HRH1: variants seen among roughly 807,000 people sequenced by gnomAD.
HRH1 encodes the protein histamine H1 receptor.
In HRH1, 6 loss-of-function variants were observed where a neutral mutation model predicts 10.3. That is an observed-to-expected ratio of 0.58 (90% confidence interval 0.32 to 1.15). The LOEUF is 1.15. HRH1 is among the 50% of genes most tolerant of loss of function. HRH1 has a pLI of 0.05. For missense variants in HRH1, 514 were observed against 615.3 expected (o/e 0.84, Z 1.74); for synonymous variants, 242 against 236.7 (o/e 1.02, Z -0.21).
chr3:11,157,103 T>C (rs576971387), intron 1 of HRH1, among the ~76,000 whole-genome samples: 92 of 152,312 alleles, frequency 6.0e-4, no homozygotes, highest in African/African-American at 2.1e-3. Context: ...CTGACGAGCA[T>C]GGATTTGGGA....
intron 1 of HRH1, among the ~76,000 whole-genome samples, chr3:11,237,961 C>G (rs1315776108): frequency 1.3e-5 from 2 of 152,164 alleles, no homozygotes; most frequent in African/African-American, 4.8e-5. Flanking sequence ...TAGGCGTGAG[C>G]CACTGCGCCC....
chr3:11,258,438 C>T (rs562763514), intron 1 of HRH1, among the ~76,000 whole-genome samples: 1 of 152,290 alleles, frequency 6.6e-6, no homozygotes, highest in East Asian at 1.9e-4. Flanking sequence ...ATCACTTCCT[C>T]ACATCCTGTC....
At chr3:11,173,170 T>C (rs1937186757) in intron 1 of HRH1, among the ~76,000 whole-genome samples, 1 of 152,222 alleles carries the variant, frequency 6.6e-6, no homozygotes, top group African/African-American at 2.4e-5. Flanking sequence ...GGTCAGAGAC[T>C]ACCTGGCTTT....
chr3:11,208,512 T>A (rs1260132622), intron 1 of HRH1, among the ~76,000 whole-genome samples: 1 of 152,166 alleles, frequency 6.6e-6, no homozygotes, highest in Non-Finnish European at 1.5e-5. Context: ...ATACTATCTG[T>A]TAAATCAAAA....
chr3:11,200,612 A>G (rs1937868040), intron 1 of HRH1, among the ~76,000 whole-genome samples: 1 of 152,172 alleles, frequency 6.6e-6, no homozygotes, highest in Non-Finnish European at 1.5e-5. Flanking sequence ...AGCAGGAACT[A>G]TGTGCTGTTC....
chr3:11,156,393 C>CA (rs2125006113), intron 1 of HRH1, among the ~76,000 whole-genome samples: 2 of 152,278 alleles, frequency 1.3e-5, no homozygotes, highest in African/African-American at 4.8e-5. Context: ...TCCTGACCCT[C>CA]AGCTGAGTGT....
intron 1 of HRH1, among the ~76,000 whole-genome samples, chr3:11,233,184 A>T (rs946447117): frequency 1.5e-4 from 23 of 152,208 alleles, no homozygotes; most frequent in Non-Finnish European, 1.5e-4. Context: ...CTCAAAGCAC[A>T]TTATCATTGC....
chr3:11,139,570 G>A (rs1052008680), intron 1 of HRH1, among the ~76,000 whole-genome samples: 4 of 152,088 alleles, frequency 2.6e-5, no homozygotes, highest in East Asian at 1.9e-4. Flanking sequence ...GTGAGCCACC[G>A]TGACCCGCCT....
intron 1 of HRH1, among the ~76,000 whole-genome samples, chr3:11,173,557 A>G (rs1937195565): frequency 1.3e-5 from 2 of 151,806 alleles, no homozygotes. Flanking sequence ...ACCCGCCACC[A>G]CACCCAGCTA....
chr3:11,241,907 G>A (rs112898401), intron 1 of HRH1, among the ~76,000 whole-genome samples: 6,553 of 151,780 alleles, frequency 0.043, 476 homozygotes, highest in African/African-American at 0.15. Flanking sequence ...TCTGTAAAAC[G>A]CACCAATCAG....
chr3:11,263,194 C>T lies in HRH1; in HGVS notation c.*2693C>T, dbSNP rs1940001853. ...TGATACAGAAATGTCAGCCCCAGCCCACTAAGAAAGCCCCAGCCCATCAGT... is the reference window on the plus strand; with the variant it reads ...TGATACAGAAATGTCAGCCCCAGCCTACTAAGAAAGCCCCAGCCCATCAGT... On this transcript the variant is annotated 3_prime_UTR_variant, in exon 2 of 2. Coordinates refer to ENST00000431010, the MANE Select transcript of HRH1 (RefSeq NM_001098212.2). 1 of 167,080 alleles carries T rather than the reference C, an allele frequency of 6.0e-6. No homozygotes were observed. Among genetic ancestry groups the T allele is most frequent in the Non-Finnish European group, 1.5e-5 (1 of 68,128 alleles). 10.3% of individuals were successfully genotyped at this position (167,080 alleles called of 1,614,324 possible).
intron 1 of HRH1, among the ~76,000 whole-genome samples, chr3:11,228,668 A>G (rs556182877): frequency 1.3e-5 from 2 of 152,162 alleles, no homozygotes; most frequent in East Asian, 3.9e-4. Flanking sequence ...TGTAATTCCA[A>G]TACTTTGGGA....
chr3:11,165,029 G>C (rs1937003012), intron 1 of HRH1, among the ~76,000 whole-genome samples: 1 of 152,198 alleles, frequency 6.6e-6, no homozygotes, highest in Non-Finnish European at 1.5e-5. Flanking sequence ...ACAGGTGACA[G>C]AGTAAAGAAG....
At chr3:11,184,252 C>G (rs866743089) in intron 1 of HRH1, among the ~76,000 whole-genome samples, 35 of 152,238 alleles carry the variant, frequency 2.3e-4, no homozygotes, top group African/African-American at 7.0e-4. Flanking sequence ...CATATATTAA[C>G]GCAGTTAATC....
chr3:11,187,613 C>T (rs549632921), intron 1 of HRH1, among the ~76,000 whole-genome samples: 8 of 152,184 alleles, frequency 5.3e-5, no homozygotes, highest in Middle Eastern at 3.4e-3. Context: ...GTAGCAAAGT[C>T]AGGTATGCAT....
chr3:11,178,381 C>T (rs35131770), intron 1 of HRH1, among the ~76,000 whole-genome samples: 13,738 of 152,226 alleles, frequency 0.09, 1,091 homozygotes, highest in African/African-American at 0.21. Flanking sequence ...AAATCCCAGG[C>T]CCCTTATTTC....
rs765258942 is a variant in HRH1, at chr3:11,260,411, C to T, written c.1374C>T (p.Tyr458=). ...ACATGTTCACCATCTGGCTGGGCTA[C>T]ATCAACTCCACACTGAACCCCCTCA... is the stretch of plus-strand genomic sequence containing the variant. ...HLHMFTIWLG[Y]INSTLNPLIY... The change falls in exon 2 of 2, where the codon TAC becomes TAT. Residue 458 remains tyrosine, a synonymous_variant. Coordinates refer to ENST00000431010, the MANE Select transcript of HRH1 (RefSeq NM_001098212.2). 3.1e-6 allele frequency: 5 copies of T among 1,614,000 alleles called. No homozygotes were observed. Among genetic ancestry groups the T allele is most frequent in the Non-Finnish European group, 3.4e-6 (4 of 1,179,982 alleles).
At position 11,209,997 on chromosome 3, in the gene HRH1, G is replaced by C. The variant is rs1938271258; in HGVS notation, c.-35-49006G>C. Among the ~76,000 whole-genome samples, 4 of 152,206 alleles carry C rather than the reference G, an allele frequency of 2.6e-5. No individual in the cohort carries two copies. In the South Asian group the frequency reaches 8.3e-4, roughly 32 times the overall value. Reference sequence around the variant, plus strand: ...AGATCGCATCAAATGCAGTTGTCGTGAGACACAGTGAAGACCTTGGCATTA... The same window carrying C: ...AGATCGCATCAAATGCAGTTGTCGTCAGACACAGTGAAGACCTTGGCATTA... On this transcript the variant is annotated intron_variant, in intron 1 of 1. Transcript: ENST00000431010.
rs1223515172 is a variant in HRH1, at chr3:11,259,305, A to G, written c.268A>G (p.Met90Val). Residue 90 changes from methionine to valine, a missense_variant, in exon 2 of 2, where the codon ATG becomes GTG. Transcript: ENST00000431010. This position sits in a 1 kb window ranked among gnomAD's most constrained non-coding sequence, Gnocchi z 4.6. ...VMPMNILYLL[M>V]SKWSLGRPLC... ...GCCTATGAACATCCTCTACCTGCTC[A>G]TGTCCAAGTGGTCACTGGGCCGTCC... 3.1e-6 allele frequency: 5 copies of G among 1,613,228 alleles called. No individual in the cohort carries two copies. Among genetic ancestry groups the G allele is most frequent in the Non-Finnish European group, 4.2e-6 (5 of 1,179,876 alleles).
Sources: allele counts gnomAD v4.1 joint callset (sites outside exome capture counted in the v4.1 genomes callset), GRCh38; gene constraint gnomAD v4.1.1; non-coding constraint Gnocchi (gnomAD v3.1); transcripts MANE v1.5; gene names NCBI Gene and HGNC (gene_info 2026-07-23, HGNC 2026-07-21).